The following ARFIP1 variants were observed in gnomAD, a reference collection of about 807,000 sequenced individuals.
The protein encoded by ARFIP1 is arfaptin-1.
Under a neutral mutation model 42.5 loss-of-function variants are expected in ARFIP1, and 24 were observed. That is an observed-to-expected ratio of 0.57 (90% CI 0.41 to 0.80). The LOEUF is 0.80. Among genes scored for constraint, ARFIP1 ranks in the 30% least tolerant of loss-of-function variants. The pLI is 0.00. For synonymous variants in ARFIP1, 141 were observed against 153.7 expected (o/e 0.92, Z 0.61); for missense variants, 354 against 434.0 (o/e 0.82, Z 1.64).
intron 7 of ARFIP1, among the ~76,000 whole-genome samples, chr4:152,886,383 C>A (rs921535720): frequency 2.6e-5 from 4 of 151,926 alleles, no homozygotes; most frequent in African/African-American, 9.7e-5. Context: ...ATCCTGCCTG[C>A]CTGTCTAATG....
intron 8 of ARFIP1, among the ~76,000 whole-genome samples, chr4:152,908,891 AGTGTGTGTGTGTGTGTGTGT>A (rs58362465): frequency 6.8e-4 from 90 of 132,564 alleles, no homozygotes; most frequent in East Asian, 2.0e-3. Context: ...GCTAGAGAGA[AGTGTGTGTGTGTGTGTGTGT>A]GTGTGTGTGT....
In ARFIP1 at chr4:152,840,766, T is replaced by C. The variant is rs184832594; in HGVS notation, c.93+11040T>C. ...AGCGTCTCGCTCTTGTTGCCCAGGGTGGAGTGCAATGGCGCAATCTCGGCT... is the reference window on the plus strand; with the variant it reads ...AGCGTCTCGCTCTTGTTGCCCAGGGCGGAGTGCAATGGCGCAATCTCGGCT... On this transcript the variant is annotated intron_variant, in intron 2 of 8. Coordinates refer to ENST00000353617, the MANE Select transcript of ARFIP1 (RefSeq NM_001025595.3). 7.5e-3 allele frequency among the ~76,000 whole-genome samples: 1,030 copies of C among 137,854 alleles called. 11 individuals are homozygous for C. The highest frequency in any genetic ancestry group is 0.026 in the African/African-American group (953 of 37,016). 90.4% of individuals were successfully genotyped at this position (137,854 alleles called of 152,430 possible).
chr4:152,819,647 C>T (rs139483466), intron 1 of ARFIP1, among the ~76,000 whole-genome samples: 5 of 152,228 alleles, frequency 3.3e-5, no homozygotes, highest in African/African-American at 4.8e-5. Flanking sequence ...TAAGGGAGTA[C>T]CCCGTGGGAC....
At chr4:152,853,824 A>C (rs1323753125) in intron 2 of ARFIP1, among the ~76,000 whole-genome samples, 1 of 151,830 alleles carries the variant, frequency 6.6e-6, no homozygotes, top group Admixed American at 6.6e-5. Flanking sequence ...TCATGTCATG[A>C]ATACTTTCCT....
At chr4:152,888,084 C>A (rs755620529) in intron 7 of ARFIP1, 49 bp from the exon 8 acceptor site, 1 of 1,464,330 alleles carries the variant, frequency 6.8e-7, no homozygotes, top group Non-Finnish European at 9.2e-7. Flanking sequence ...ATTTTTTGAA[C>A]ATACTTTACT....
Position 152,886,339 on chromosome 4 carries a change from A to T in ARFIP1, c.792-1794A>T, listed in dbSNP as rs1472244967. ...TTCTCCTACTGGATTAAATTTAAAC[A>T]CTTTAACATGGCCTGTAGGGCTGCT... On this transcript the variant is annotated intron_variant, in intron 7 of 8. Coordinates refer to ENST00000353617, the MANE Select transcript of ARFIP1 (RefSeq NM_001025595.3). 2.0e-5 allele frequency among the ~76,000 whole-genome samples: 3 copies of T among 151,912 alleles called. No homozygotes were observed. In the East Asian group the frequency reaches 5.8e-4, roughly 29 times the overall value.
chr4:152,793,975 G>A (rs56312149), intron 1 of ARFIP1, among the ~76,000 whole-genome samples: 1,711 of 152,030 alleles, frequency 0.011, 43 homozygotes, highest in African/African-American at 0.038. Context: ...TATTTAAAGG[G>A]TAATTCCTCT....
chr4:152,869,099 A>G (rs1734654191), intron 3 of ARFIP1, among the ~76,000 whole-genome samples: 3 of 152,218 alleles, frequency 2.0e-5, no homozygotes, highest in Admixed American at 2.0e-4. Context: ...TTTGAATTTT[A>G]ATGTGAGATC....
intron 2 of ARFIP1, among the ~76,000 whole-genome samples, chr4:152,838,983 A>G (rs913057358): frequency 2.0e-5 from 3 of 152,120 alleles, no homozygotes; most frequent in Non-Finnish European, 4.4e-5. Flanking sequence ...GAGAGTTTTA[A>G]TCATAAAGTG....
intron 4 of ARFIP1, among the ~76,000 whole-genome samples, chr4:152,871,063 CTT>C (rs1734839662): frequency 6.6e-6 from 1 of 152,170 alleles, no homozygotes; most frequent in Non-Finnish European, 1.5e-5. Flanking sequence ...ACACCTGAAA[CTT>C]AATCCATTTT....
At chr4:152,794,465 T>C (rs904672839) in intron 1 of ARFIP1, among the ~76,000 whole-genome samples, 1 of 152,172 alleles carries the variant, frequency 6.6e-6, no homozygotes, top group African/African-American at 2.4e-5. Flanking sequence ...CTTAGTGCAT[T>C]GTATTGAGGG....
At chr4:152,835,792 A>C (rs1731600842) in intron 2 of ARFIP1, among the ~76,000 whole-genome samples, 1 of 152,250 alleles carries the variant, frequency 6.6e-6, no homozygotes, top group African/African-American at 2.4e-5. Flanking sequence ...TTTGGCTCAC[A>C]GTTCTGCAGG....
At chr4:152,894,295 C>T (rs1296237421) in intron 8 of ARFIP1, among the ~76,000 whole-genome samples, 1 of 151,596 alleles carries the variant, frequency 6.6e-6, no homozygotes, top group Admixed American at 6.6e-5. Flanking sequence ...GCTTTGAGGG[C>T]AGAAGTATTC....
intron 1 of ARFIP1, among the ~76,000 whole-genome samples, chr4:152,804,038 TATATATATTATATATAATATAACATGTA>T (rs1561107711): frequency 7.8e-5 from 10 of 128,076 alleles, no homozygotes; most frequent in African/African-American, 2.4e-4. Context: ...TATAACGTAA[TATATATATTATATATAATATAACATGTA>T]ATATATATTA....
chr4:152,805,533 G>A (rs1028566662), intron 1 of ARFIP1, among the ~76,000 whole-genome samples: 1 of 152,164 alleles, frequency 6.6e-6, no homozygotes, highest in African/African-American at 2.4e-5. Context: ...ATTTGATCTT[G>A]CTGATTATTT....
Position 152,910,339 on chromosome 4 carries a change from A to G in ARFIP1, c.*120A>G. On this transcript the variant is annotated 3_prime_UTR_variant, in exon 9 of 9. Coordinates refer to ENST00000353617, the MANE Select transcript of ARFIP1 (RefSeq NM_001025595.3). ...CAAGCATTATAGTGATTCTTGCACA[A>G]ACAGCTTTAATTTTTCCCTTTTTCA... The G allele has an allele frequency of 1.7e-6, 2 of 1,186,774 alleles. No individual in the cohort carries two copies. The highest frequency in any genetic ancestry group is 2.3e-6 in the Non-Finnish European group (2 of 867,884). The allele number at this position is 1,186,774 out of a possible 1,614,324, so 73.5% of individuals were successfully genotyped here. A position where few individuals can be genotyped will look rare whatever the true frequency, so the allele number is the denominator to read the frequency against.
At chr4:152,892,401 T>C (rs528157439) in intron 8 of ARFIP1, among the ~76,000 whole-genome samples, 111 of 152,274 alleles carry the variant, frequency 7.3e-4, no homozygotes, top group Non-Finnish European at 1.4e-3. Context: ...ACTTCTCTTC[T>C]AAAATGAGAA....
At chr4:152,789,664 A>C (rs1731036018) in intron 1 of ARFIP1, among the ~76,000 whole-genome samples, 1 of 152,164 alleles carries the variant, frequency 6.6e-6, no homozygotes, top group Non-Finnish European at 1.5e-5. Flanking sequence ...TCGTTTATTT[A>C]TATCAGTCTG....
chr4:152,877,677 A>T (rs532081868), intron 5 of ARFIP1, among the ~76,000 whole-genome samples: 2 of 152,012 alleles, frequency 1.3e-5, no homozygotes, highest in Non-Finnish European at 2.9e-5. Context: ...TCCTCACCCA[A>T]ATCTCAACTT....
Sources: allele counts gnomAD v4.1 joint callset (sites outside exome capture counted in the v4.1 genomes callset), GRCh38; gene constraint gnomAD v4.1.1; transcripts MANE v1.5; gene names NCBI Gene and HGNC (gene_info 2026-07-23, HGNC 2026-07-21).